The following SPECC1 variants were observed in gnomAD, a reference collection of about 807,000 sequenced individuals.
SPECC1 encodes sperm antigen with calponin homology and coiled-coil domains 1.
A neutral mutation model predicts 104.1 loss-of-function variants in SPECC1; 62 were observed. The observed-to-expected ratio is 0.60, with a 90% CI of 0.49 to 0.74. The LOEUF (loss-of-function observed/expected upper bound fraction) is 0.74. Among genes scored for constraint, SPECC1 ranks in the 30% least tolerant of loss-of-function variants. The pLI is 0.00. For synonymous variants in SPECC1, 513 were observed against 501.6 expected (o/e 1.02, Z -0.30); for missense variants, 1,306 against 1,310.5 (o/e 1.00, Z 0.05).
intron 12 of SPECC1, among the ~76,000 whole-genome samples, chr17:20,270,433 C>CAAAAAAA (rs71157863): frequency 2.3e-4 from 10 of 43,574 alleles, no homozygotes; most frequent in Non-Finnish European, 3.5e-4. Context: ...CTGTCTTTAC[C>CAAAAAAA]AAAAAAAAAA....
chr17:20,204,311 T>G, intron 3 of SPECC1, 22 bp from the exon 4 acceptor site: 3 of 1,581,170 alleles, frequency 1.9e-6, no homozygotes, highest in Non-Finnish European at 2.6e-6. Flanking sequence ...TTTTTTCATT[T>G]TTTTCTTCTT....
At position 20,220,100 on chromosome 17, in the gene SPECC1, C is replaced by T. The variant is rs1402824756; in HGVS notation, c.1864-7313C>T. On this transcript the variant is annotated intron_variant, in intron 4 of 14. Coordinates refer to ENST00000395527, the MANE Select transcript of SPECC1 (RefSeq NM_001243439.2). ...ATGGCTCTGTAGTATAATTTGAAGT[C>T]AGATAATGTGATTCTTCCAGTTTTG... 2.0e-5 allele frequency among the ~76,000 whole-genome samples: 3 copies of T among 152,066 alleles called. No individual in the cohort carries two copies. The East Asian group carries it at 5.8e-4, about 29-fold the overall frequency.
rs1330864374 is a variant in SPECC1 at position 20,316,130 on chromosome 17, G to C, written c.*2065G>C. On this transcript the variant is annotated 3_prime_UTR_variant, in exon 15 of 15. Transcript: ENST00000395527. ...CACATAGAACCAATTCAACCTGAAA[G>C]TTACTACTTCTGCTGATTCAGGCAC... 8.6e-6 allele frequency: 2 copies of C among 231,512 alleles called. No homozygotes were observed. Among genetic ancestry groups the C allele is most frequent in the African/African-American group, 4.4e-5 (2 of 45,248 alleles). 14.3% of individuals were successfully genotyped at this position (231,512 alleles called of 1,614,324 possible). A position where few individuals can be genotyped will look rare whatever the true frequency, so the allele number is the denominator to read the frequency against.
At chr17:20,281,342 G>A (rs1170733032) in intron 12 of SPECC1, among the ~76,000 whole-genome samples, 1 of 152,184 alleles carries the variant, frequency 6.6e-6, no homozygotes, top group Non-Finnish European at 1.5e-5. Flanking sequence ...ACTCCATGAG[G>A]AATCTTGCAG....
chr17:20,121,132 T>C (rs2049007506), intron 3 of SPECC1, among the ~76,000 whole-genome samples: 1 of 152,208 alleles, frequency 6.6e-6, no homozygotes, highest in African/African-American at 2.4e-5. Context: ...CTGCCTGCAC[T>C]GTGCCGGCTT....
chr17:20,129,713 C>T (rs983245085), intron 3 of SPECC1, among the ~76,000 whole-genome samples: 1 of 146,958 alleles, frequency 6.8e-6, no homozygotes, highest in Non-Finnish European at 1.5e-5. Context: ...AAATTCTTTG[C>T]CTAGAGCCAG....
chr17:20,041,095 T>C (rs1466229575), intron 1 of SPECC1, among the ~76,000 whole-genome samples: 1 of 152,158 alleles, frequency 6.6e-6, no homozygotes, highest in Non-Finnish European at 1.5e-5. Flanking sequence ...CCAGTCTATT[T>C]TCTTTCTGTT....
At chr17:20,244,115 G>A (rs2039321708) in intron 7 of SPECC1, among the ~76,000 whole-genome samples, 1 of 152,060 alleles carries the variant, frequency 6.6e-6, no homozygotes, top group Admixed American at 6.6e-5. Flanking sequence ...GTCCCAGCAA[G>A]CTACGCAGGA....
chr17:20,199,732 C>G (rs572591319), intron 3 of SPECC1, among the ~76,000 whole-genome samples: 3 of 152,152 alleles, frequency 2.0e-5, no homozygotes, highest in Admixed American at 6.5e-5. Context: ...TTCTCACCAA[C>G]AGTGTACAGG....
chr17:20,179,347 C>T (rs943565184), intron 3 of SPECC1, among the ~76,000 whole-genome samples: 3 of 152,256 alleles, frequency 2.0e-5, no homozygotes, highest in African/African-American at 7.2e-5. Context: ...CTGCAGCTAC[C>T]ATTCTTGCAG....
At chr17:20,125,503 C>T (rs556149260) in intron 3 of SPECC1, among the ~76,000 whole-genome samples, 11 of 152,354 alleles carry the variant, frequency 7.2e-5, no homozygotes, top group African/African-American at 2.2e-4. Flanking sequence ...CTCAAGCTTA[C>T]GCATCTGTAC....
intron 1 of SPECC1, among the ~76,000 whole-genome samples, chr17:20,091,120 T>C (rs2047384192): frequency 6.6e-6 from 1 of 152,186 alleles, no homozygotes; most frequent in South Asian, 2.1e-4. Flanking sequence ...GCTGATGGGA[T>C]CAATGAATTT....
At chr17:20,296,918 G>A (rs980559992) in intron 12 of SPECC1, 43 bp from the exon 13 acceptor site, 1 of 1,571,718 alleles carries the variant, frequency 6.4e-7, no homozygotes, top group East Asian at 2.2e-5. Flanking sequence ...ATACTGCACA[G>A]TTTGCAATAG....
chr17:20,122,578 T>A (rs2049090217), intron 3 of SPECC1, among the ~76,000 whole-genome samples: 1 of 152,184 alleles, frequency 6.6e-6, no homozygotes, highest in Admixed American at 6.5e-5. Flanking sequence ...CACCTTCCAT[T>A]TCCAGAACTG....
intron 3 of SPECC1, among the ~76,000 whole-genome samples, chr17:20,182,748 G>A (rs1057181521): frequency 6.6e-6 from 1 of 152,178 alleles, no homozygotes; most frequent in African/African-American, 2.4e-5. Flanking sequence ...GTAGCTTAGA[G>A]GATAGAGGAA....
chr17:20,122,354 A>T (rs541558810), intron 3 of SPECC1, among the ~76,000 whole-genome samples: 42 of 152,212 alleles, frequency 2.8e-4, no homozygotes, highest in African/African-American at 8.4e-4. Context: ...ACCAGCTTGG[A>T]GGCTAGGGCT....
At chr17:20,077,561 G>A (rs995097738) in intron 1 of SPECC1, among the ~76,000 whole-genome samples, 3 of 151,952 alleles carry the variant, frequency 2.0e-5, no homozygotes, top group African/African-American at 7.3e-5. Context: ...CTGCCTCCCA[G>A]GTTCAAGCGA....
intron 14 of SPECC1, among the ~76,000 whole-genome samples, chr17:20,307,905 C>T (rs2041815491): frequency 6.6e-6 from 1 of 152,018 alleles, no homozygotes; most frequent in Non-Finnish European, 1.5e-5. Flanking sequence ...AATGAAACTA[C>T]AGAAAAAGCA....
chr17:20,112,302 G>A, intron 3 of SPECC1: 2 of 759,712 alleles, frequency 2.6e-6, no homozygotes, highest in Non-Finnish European at 4.9e-6. Flanking sequence ...TATTGTACAT[G>A]ATGGCATTAA....
Sources: allele counts gnomAD v4.1 joint callset (sites outside exome capture counted in the v4.1 genomes callset), GRCh38; gene constraint gnomAD v4.1.1; transcripts MANE v1.5; gene names NCBI Gene and HGNC (gene_info 2026-07-23, HGNC 2026-07-21).